The following PFKFB4 variants were observed in gnomAD, a reference collection of about 807,000 sequenced individuals.
PFKFB4 encodes the protein 6-phosphofructo-2-kinase/fructose-2,6-bisphosphatase 4.
PFKFB4 carries 42 observed loss-of-function variants against 62.8 expected under a neutral mutation model. The ratio of observed to expected loss-of-function variants is 0.67; its 90% CI spans 0.52 to 0.86. The LOEUF (loss-of-function observed/expected upper bound fraction) is 0.86. PFKFB4 is among the 40% of genes least tolerant of loss of function. The pLI is 0.00. For synonymous variants in PFKFB4, 204 were observed against 240.7 expected (o/e 0.85, Z 1.41); for missense variants, 475 against 627.2 (o/e 0.76, Z 2.59).
At chr3:48,525,159 G>A (rs561157210) in intron 10 of PFKFB4, among the ~76,000 whole-genome samples, 6 of 152,280 alleles carry the variant, frequency 3.9e-5, no homozygotes, top group East Asian at 1.9e-4. Context: ...CTGACAACTC[G>A]CTGGGAAAGG....
chr3:48,523,601 T>C lies in PFKFB4; in HGVS notation c.1223-2A>G, dbSNP rs1326635731. On this transcript the variant is annotated splice_acceptor_variant, in intron 11 of 13. Transcript: ENST00000232375. LOFTEE classifies it high-confidence loss of function. ...GACACTTGAGGTAGGGCAGCTGTTC[T>C]GTAGACACAGAGGGGGATGGCTAGC... is the stretch of plus-strand genomic sequence containing the variant. 1.9e-6 allele frequency: 3 copies of C among 1,614,182 alleles called. No individual in the cohort carries two copies. Among genetic ancestry groups the C allele is most frequent in the Non-Finnish European group, 2.5e-6 (3 of 1,180,018 alleles).
intron 8 of PFKFB4, 142 bp from the exon 9 acceptor site, chr3:48,535,800 G>T: frequency 1.1e-6 from 1 of 941,776 alleles, no homozygotes; most frequent in Non-Finnish European, 1.6e-6. Context: ...ACTTGTCGAT[G>T]ACACACATGC....
intron 1 of PFKFB4, among the ~76,000 whole-genome samples, chr3:48,551,404 C>T (rs574089836): frequency 1.3e-5 from 2 of 149,194 alleles, no homozygotes; most frequent in Admixed American, 1.3e-4. Context: ...TCAGTAGAGA[C>T]GGGGTTTCGG....
chr3:48,532,788 G>T (rs1323864966), intron 9 of PFKFB4, among the ~76,000 whole-genome samples: 1 of 152,214 alleles, frequency 6.6e-6, no homozygotes, highest in East Asian at 1.9e-4. Context: ...TGAGGCTGCA[G>T]TGATTTCCAC....
chr3:48,526,801 C>A (rs1009188826), intron 9 of PFKFB4, among the ~76,000 whole-genome samples: 1 of 151,512 alleles, frequency 6.6e-6, no homozygotes, highest in African/African-American at 2.4e-5. Context: ...ATTAGCCAGG[C>A]GTGGTGGCTC....
chr3:48,563,033 C>T (rs1454706036), upstream of PFKFB4: 30 of 1,611,432 alleles, frequency 1.9e-5, no homozygotes, highest in East Asian at 6.7e-5. The surrounding 1 kb of genome is among the most constrained non-coding windows in gnomAD (Gnocchi z 4.5). Flanking sequence ...ATTCTGAGGG[C>T]GGAGCTGGAA....
intron 9 of PFKFB4, among the ~76,000 whole-genome samples, chr3:48,527,957 G>A (rs1247257756): frequency 6.6e-6 from 1 of 151,990 alleles, no homozygotes; most frequent in Non-Finnish European, 1.5e-5. Flanking sequence ...CCAAAGTGCT[G>A]GGATTACAGT....
chr3:48,556,866 G>A, upstream of PFKFB4: 1 of 1,478,814 alleles, frequency 6.8e-7, no homozygotes, highest in Non-Finnish European at 9.0e-7. This position sits in a 1 kb window ranked among gnomAD's most constrained non-coding sequence, Gnocchi z 5.7. Context: ...CTTGGGCCCC[G>A]CCCCTCCTCA....
In PFKFB4 at chr3:48,539,238, CAGA is replaced by C; in HGVS notation, c.510+13_510+15del. The C allele has an allele frequency of 6.2e-7, 1 of 1,603,834 alleles. No homozygotes were observed. Among genetic ancestry groups the C allele is most frequent in the Non-Finnish European group, 8.5e-7 (1 of 1,170,758 alleles). On this transcript the variant is annotated intron_variant, in intron 6 of 13. Transcript: ENST00000232375. ...GTCACACACGACCTTCTGACAAGGT[CAGA>C]TGCACTACTCACCACGATGTTGGCA...
intron 4 of PFKFB4, 119 bp downstream of exon 4, chr3:48,543,461 C>T: frequency 1.1e-6 from 1 of 908,690 alleles, no homozygotes; most frequent in African/African-American, 1.6e-5. Flanking sequence ...GGGCTGGCAC[C>T]CAGAGCAGCT....
At chr3:48,519,933 C>A in intron 13 of PFKFB4, 127 bp from the exon 14 acceptor site, 1 of 694,154 alleles carries the variant, frequency 1.4e-6, no homozygotes, top group South Asian at 1.7e-5. Flanking sequence ...AGCCGCAAGA[C>A]TCTAGACCAC....
In PFKFB4 at chr3:48,556,782, G is replaced by A; in HGVS notation, c.-5C>T. On this transcript the variant is annotated 5_prime_UTR_variant, in exon 1 of 14. Transcript: ENST00000232375. The surrounding 1 kb of genome is among the most constrained non-coding windows in gnomAD (Gnocchi z 5.7). ...CAATTCCCGTGGGGACGCCATCCCG[G>A]GGCCGGGATGAGTCGGACTGCGCCG... 6.3e-7 allele frequency: 1 copy of A among 1,599,618 alleles called. No individual in the cohort carries two copies.
intron 7 of PFKFB4, 30 bp from the exon 8 acceptor site, chr3:48,536,493 G>T (rs2042621563): frequency 6.4e-7 from 1 of 1,565,836 alleles, no homozygotes. Context: ...AAAGAGGCCT[G>T]TGAGCGTGGC....
At chr3:48,557,180 C>T (rs547106369), upstream of PFKFB4, among the ~76,000 whole-genome samples, 1 of 152,394 alleles carries the variant, frequency 6.6e-6, no homozygotes, top group South Asian at 2.1e-4. Flanking sequence ...TCCGCCCTGG[C>T]GCTGCATCCC....
intron 1 of PFKFB4, among the ~76,000 whole-genome samples, chr3:48,553,872 G>A (rs1189773529): frequency 6.6e-6 from 1 of 152,208 alleles, no homozygotes; most frequent in Admixed American, 6.5e-5. Flanking sequence ...CCCAGGAAGA[G>A]TCTTGCCACC....
chr3:48,557,117 A>C, upstream of PFKFB4: 1 of 435,004 alleles, frequency 2.3e-6, no homozygotes, highest in Non-Finnish European at 3.5e-6. Flanking sequence ...GGATGCGCAA[A>C]CTCAGCTCTC....
upstream of PFKFB4, chr3:48,560,964 C>G: frequency 1.0e-5 from 6 of 577,462 alleles, no homozygotes; most frequent in Non-Finnish European, 1.5e-5. Context: ...AGAGACCCCC[C>G]AACACTCTCG....
intron 3 of PFKFB4, among the ~76,000 whole-genome samples, chr3:48,544,066 G>A (rs2042885484): frequency 6.7e-6 from 1 of 150,222 alleles, no homozygotes; most frequent in South Asian, 2.1e-4. Flanking sequence ...CCAGGCTGGA[G>A]TGCAGTGGTG....
At chr3:48,556,945 A>G, upstream of PFKFB4, 1 of 1,395,910 alleles carries the variant, frequency 7.2e-7, no homozygotes, top group Non-Finnish European at 9.3e-7. The surrounding 1 kb of genome is among the most constrained non-coding windows in gnomAD (Gnocchi z 5.7). Flanking sequence ...GCCCCAGCTG[A>G]AAGGGGCCCG....
Sources: gnomAD v4.1 joint callset for allele counts (sites outside exome capture counted in the v4.1 genomes callset) on GRCh38, gnomAD v4.1.1 for gene constraint, Gnocchi (gnomAD v3.1) non-coding constraint, MANE v1.5 for transcripts, NCBI Gene and HGNC (gene_info 2026-07-23, HGNC 2026-07-21) for gene names.